LRRC34: variants seen among roughly 807,000 people sequenced by gnomAD.
The protein encoded by LRRC34 is leucine rich repeat containing 34, also known as leucine-rich repeat-containing protein 34.
A neutral mutation model predicts 48.5 loss-of-function variants in LRRC34; 44 were observed. The observed-to-expected ratio is 0.91, with a 90% CI of 0.71 to 1.17. LRRC34 has a LOEUF of 1.17. LRRC34 is among the 50% of genes most tolerant of loss of function. The pLI, the probability that LRRC34 is intolerant of heterozygous loss-of-function variation, is 0.00. For missense variants in LRRC34, 502 were observed against 563.0 expected (o/e 0.89, Z 1.10); for synonymous variants, 192 against 197.6 (o/e 0.97, Z 0.24).
chr3:169,797,952 G>A (rs900626581), intron 7 of LRRC34, among the ~76,000 whole-genome samples: 1 of 152,166 alleles, frequency 6.6e-6, no homozygotes, highest in Admixed American at 6.5e-5. Flanking sequence ...TCCATAAGCA[G>A]CCTACAAAGC....
chr3:169,800,561 A>G, intron 7 of LRRC34, 98 bp downstream of exon 7: 1 of 619,920 alleles, frequency 1.6e-6, no homozygotes, highest in Non-Finnish European at 2.6e-6. Flanking sequence ...GTACATCTCT[A>G]AAAATACAGT....
At chr3:169,806,220 G>A (rs1223593486) in intron 5 of LRRC34, among the ~76,000 whole-genome samples, 1 of 152,110 alleles carries the variant, frequency 6.6e-6, no homozygotes, top group African/African-American at 2.4e-5. Context: ...AGGACACGTG[G>A]ATATACACAT....
At position 169,812,538 on chromosome 3, in the gene LRRC34, T is replaced by C. The variant is rs1014421666; in HGVS notation, c.11A>G (p.Gln4Arg). 2.0e-5 allele frequency: 30 copies of C among 1,497,820 alleles called. No individual in the cohort carries two copies. The East Asian group carries it at 2.6e-4, about 13-fold the overall frequency. The allele number at this position is 1,497,820 out of a possible 1,614,324, so 92.8% of individuals were successfully genotyped here. A position where few individuals can be genotyped will look rare whatever the true frequency, so the allele number is the denominator to read the frequency against. Residue 4 changes from glutamine to arginine, a missense_variant, in exon 1 of 11, where the codon CAG becomes CGG. Transcript: ENST00000446859. The surrounding 1 kb of genome is among the most constrained non-coding windows in gnomAD (Gnocchi z 4.3). ...CCTCTCACCCACTGGCCGCGGCGGC[T>C]GCGCTGCCATGGCGACCGCGCGCGC... MAA[Q>R]PPRPVGERSM...
Position 169,808,597 on chromosome 3 carries a change from A to G in LRRC34, c.257+31T>C. On this transcript the variant is annotated intron_variant, in intron 2 of 10. Coordinates refer to ENST00000446859, the MANE Select transcript of LRRC34 (RefSeq NM_001172779.2). ...ACACACATGAATATAAGCAAACACT[A>G]TTAATGTAATCAAGTATTTGTCTTT... is the stretch of plus-strand genomic sequence containing the variant. The G allele has an allele frequency of 4.5e-6, 5 of 1,121,280 alleles. No homozygotes were observed. The South Asian group carries it at 5.3e-5, about 12-fold the overall frequency. The allele number at this position is 1,121,280 out of a possible 1,614,324, so 69.5% of individuals were successfully genotyped here.
intron 6 of LRRC34, among the ~76,000 whole-genome samples, chr3:169,801,046 G>A (rs1779171323): frequency 6.6e-6 from 1 of 151,978 alleles, no homozygotes; most frequent in African/African-American, 2.4e-5. Flanking sequence ...AAGCTTCTAT[G>A]TGGATCCCAG....
Position 169,796,779 on chromosome 3 carries a change from G to C in LRRC34, c.874C>G (p.Leu292Val). The change falls in exon 8 of 11, where the codon CTG becomes GTG. Residue 292 changes from leucine to valine, a missense_variant. Coordinates refer to ENST00000446859, the MANE Select transcript of LRRC34 (RefSeq NM_001172779.2). ...GIQQLCDALY[L>V]NSSLRYLDVS... Reference sequence around the variant, plus strand: ...TCAAGGTAGCGCAGGCTACTGTTCAGATACAGTGCATCACATAACTGTTGT... The same window carrying C: ...TCAAGGTAGCGCAGGCTACTGTTCACATACAGTGCATCACATAACTGTTGT... 1 of 1,610,522 alleles carries C rather than the reference G, an allele frequency of 6.2e-7. No individual in the cohort carries two copies. The highest frequency in any genetic ancestry group is 1.3e-5 in the African/African-American group (1 of 74,906).
chr3:169,798,485 T>C (rs1229472808), intron 7 of LRRC34, among the ~76,000 whole-genome samples: 1 of 152,176 alleles, frequency 6.6e-6, no homozygotes, highest in Non-Finnish European at 1.5e-5. Context: ...AGGTTTGTAT[T>C]TGGGAACAGC....
In LRRC34 at chr3:169,804,064, C is replaced by T. The variant is rs746708653; in HGVS notation, c.646G>A (p.Asp216Asn). ...NSSLEKLDLGDCDLGMQSVIA... is the reference protein window; with the variant it reads ...NSSLEKLDLGNCDLGMQSVIA... The stretch of plus-strand genomic sequence containing the variant: ...ACCAGTTTACTCACCAGATCACAGT[C>T]ACCCAGATCTAATTTCTCTAATGAT... Residue 216 changes from aspartate (D) to asparagine (N), a missense_variant, in exon 6 of 11, where the codon GAC becomes AAC. Coordinates refer to ENST00000446859, the MANE Select transcript of LRRC34 (RefSeq NM_001172779.2). 2.5e-6 allele frequency: 4 copies of T among 1,587,656 alleles called. No individual in the cohort carries two copies. In the East Asian group the frequency reaches 6.8e-5, roughly 27 times the overall value.
Position 169,793,597 on chromosome 3 carries a change from T to G in LRRC34, c.*38A>C. On this transcript the variant is annotated 3_prime_UTR_variant, in exon 11 of 11. Coordinates refer to ENST00000446859, the MANE Select transcript of LRRC34 (RefSeq NM_001172779.2). ...TAGAATATTAATCTCTGTGAAACAA[T>G]AAGACAAGTGTATGAAAATTATTTT... The G allele has an allele frequency of 7.0e-7, 1 of 1,422,286 alleles. No individual in the cohort carries two copies. The highest frequency in any genetic ancestry group is 9.8e-7 in the Non-Finnish European group (1 of 1,016,868). 88.1% of individuals were successfully genotyped at this position (1,422,286 alleles called of 1,614,324 possible). A position where few individuals can be genotyped will look rare whatever the true frequency, so the allele number is the denominator to read the frequency against.
chr3:169,803,239 T>A (rs1779257841), intron 6 of LRRC34, among the ~76,000 whole-genome samples: 1 of 152,184 alleles, frequency 6.6e-6, no homozygotes, highest in South Asian at 2.1e-4. Flanking sequence ...GGTCTTACCA[T>A]GTTGCCCATG....
In LRRC34 at chr3:169,795,529, G is replaced by A. The variant is rs767278699; in HGVS notation, c.1147C>T (p.His383Tyr). 1 of 1,612,452 alleles carries A rather than the reference G, an allele frequency of 6.2e-7. No individual in the cohort carries two copies. The highest frequency in any genetic ancestry group is 1.1e-5 in the South Asian group (1 of 90,896). The change falls in exon 10 of 11, where the codon CAT (histidine) becomes TAT (tyrosine). Residue 383 changes from histidine (H) to tyrosine (Y), a missense_variant. Coordinates refer to ENST00000446859, the MANE Select transcript of LRRC34 (RefSeq NM_001172779.2). ...QSMKTNLTFS[H>Y]IYIWGNKFDE... is the part of the protein sequence containing the mutation. Reference sequence around the variant, plus strand: ...AATTTGTTTCCCCAAATGTAGATATGAGAGAAAGTGAGATTTGTTTTCATT... The same window carrying A: ...AATTTGTTTCCCCAAATGTAGATATAAGAGAAAGTGAGATTTGTTTTCATT...
chr3:169,795,756 A>G (rs929279014), intron 9 of LRRC34, 145 bp from the exon 10 acceptor site: 8 of 1,347,274 alleles, frequency 5.9e-6, no homozygotes, highest in Non-Finnish European at 6.7e-6. Flanking sequence ...AAAATCCAAG[A>G]AACTTAGTTT....
At position 169,796,585 on chromosome 3, in the gene LRRC34, A is replaced by G. The variant is rs1778997275; in HGVS notation, c.908+160T>C. On this transcript the variant is annotated intron_variant, in intron 8 of 10. Coordinates refer to ENST00000446859, the MANE Select transcript of LRRC34 (RefSeq NM_001172779.2). ...CTCATTTATGTTACTAAAAGATAGC[A>G]GTATTAAATATTAAAGCTTAGGACA... is the stretch of plus-strand genomic sequence containing the variant. 7.8e-6 allele frequency: 7 copies of G among 892,494 alleles called. No homozygotes were observed. In the East Asian group the frequency reaches 2.0e-4, roughly 25 times the overall value. 55.3% of individuals were successfully genotyped at this position (892,494 alleles called of 1,614,324 possible).
At chr3:169,795,799 T>C (rs1778965472) in intron 9 of LRRC34, 188 bp from the exon 10 acceptor site, 1 of 1,266,304 alleles carries the variant, frequency 7.9e-7, no homozygotes, top group South Asian at 2.6e-5. Context: ...TTAGTAGAGC[T>C]AACTACATTT....
chr3:169,800,181 A>T (rs1283766907), intron 7 of LRRC34, among the ~76,000 whole-genome samples: 4 of 152,204 alleles, frequency 2.6e-5, no homozygotes, highest in African/African-American at 9.7e-5. Flanking sequence ...AGAAGTCATG[A>T]AAGTAGGAAC....
chr3:169,796,764 G>A lies in LRRC34; in HGVS notation c.889C>T (p.Arg297Cys), dbSNP rs748826240. Residue 297 changes from arginine to cysteine, a missense_variant, in exon 8 of 11, where the codon CGC (arginine) becomes TGC (cysteine). Coordinates refer to ENST00000446859, the MANE Select transcript of LRRC34 (RefSeq NM_001172779.2). ...CDALYLNSSLRYLDVSCNKIT... is the reference protein window; with the variant it reads ...CDALYLNSSLCYLDVSCNKIT... Reference sequence around the variant, plus strand: ...ACTTACCAGCTGACATCAAGGTAGCGCAGGCTACTGTTCAGATACAGTGCA... The same window carrying A: ...ACTTACCAGCTGACATCAAGGTAGCACAGGCTACTGTTCAGATACAGTGCA... 35 of 1,605,524 alleles carry A rather than the reference G, an allele frequency of 2.2e-5. No individual in the cohort carries two copies. The highest frequency in any genetic ancestry group is 1.5e-4 in the South Asian group (13 of 88,674).
Position 169,796,904 on chromosome 3 carries a change from A to T in LRRC34, c.754-5T>A. 6.6e-7 allele frequency: 1 copy of T among 1,526,226 alleles called. No homozygotes were observed. The highest frequency in any genetic ancestry group is 8.8e-7 in the Non-Finnish European group (1 of 1,135,116). 94.5% of individuals were successfully genotyped at this position (1,526,226 alleles called of 1,614,324 possible). ...TACATGGACTGTAGACTCTTCCTAA[A>T]AGTGGATAAAATCTTATTTCTAAAA... On this transcript the variant is annotated splice_polypyrimidine_tract_variant and splice_region_variant and intron_variant, in intron 7 of 10. Transcript: ENST00000446859.
intron 1 of LRRC34, among the ~76,000 whole-genome samples, chr3:169,810,236 A>T (rs1779514659): frequency 6.6e-6 from 1 of 151,950 alleles, no homozygotes; most frequent in Non-Finnish European, 1.5e-5. Flanking sequence ...ACTGAGCCCG[A>T]CCGGAAATTT....
rs377198673 is a variant in LRRC34 at position 169,807,721 on chromosome 3, CAAAAAAAAAAAAA to C, written c.258-25_258-13del. The C allele has an allele frequency of 7.9e-6, 7 of 883,734 alleles. No individual in the cohort carries two copies. Among genetic ancestry groups the C allele is most frequent in the South Asian group, 4.1e-5 (1 of 24,180 alleles). 54.7% of individuals were successfully genotyped at this position (883,734 alleles called of 1,614,324 possible). A position where few individuals can be genotyped will look rare whatever the true frequency, so the allele number is the denominator to read the frequency against. ...TTCCTGCTGCTAGCCTGTTAAAATA[CAAAAAAAAAAAAA>C]AAAAAAAAAGATTTTGAAATAGAAA... On this transcript the variant is annotated splice_polypyrimidine_tract_variant and intron_variant, in intron 2 of 10. Transcript: ENST00000446859.
Sources: gnomAD v4.1 joint callset for allele counts (sites outside exome capture counted in the v4.1 genomes callset) on GRCh38, gnomAD v4.1.1 for gene constraint, Gnocchi (gnomAD v3.1) non-coding constraint, MANE v1.5 for transcripts, NCBI Gene and HGNC (gene_info 2026-07-23, HGNC 2026-07-21) for gene names.